The following ACYP2 variants were observed in gnomAD, a reference collection of about 807,000 sequenced individuals.
ACYP2 encodes acylphosphatase 2.
A neutral mutation model predicts 11.2 loss-of-function variants in ACYP2; 12 were observed. The observed-to-expected ratio is 1.08, with a 90% CI of 0.69 to 1.74. The LOEUF (loss-of-function observed/expected upper bound fraction) is 1.74. Ranked by LOEUF, ACYP2 falls within the 40% of genes most tolerant of loss-of-function variation. The probability of loss-of-function intolerance (pLI) is 0.00; values close to 1 mark genes in which losing one functional copy is unlikely to be tolerated. For missense variants in ACYP2, 134 were observed against 101.9 expected (o/e 1.31, Z -1.35); for synonymous variants, 43 against 32.2 (o/e 1.33, Z -1.13).
At chr2:54,075,219 CCAGGAACAGTGGCTCATGA>C (rs1677264356) in intron 4 of ACYP2, among the ~76,000 whole-genome samples, 1 of 152,122 alleles carries the variant, frequency 6.6e-6, no homozygotes, top group South Asian at 2.1e-4. Flanking sequence ...TCCTAATAGG[CCAGGAACAGTGGCTCATGA>C]CTGAAATCCC....
At position 54,239,306 on chromosome 2, in the gene ACYP2, T is replaced by C. The variant is rs1297408953; in HGVS notation, c.405-65382T>C. On this transcript the variant is annotated intron_variant, in intron 6 of 6. Transcript: ENST00000607452. ...CTGCCTGAAAGGAAAGAGGCCATAC[T>C]GTGATATTTCACTGCTTATAAAGAG... is the stretch of plus-strand genomic sequence containing the variant. 2.0e-5 allele frequency among the ~76,000 whole-genome samples: 3 copies of C among 152,204 alleles called. No individual in the cohort carries two copies. The East Asian group carries it at 5.8e-4, about 29-fold the overall frequency.
intron 2 of ACYP2, among the ~76,000 whole-genome samples, chr2:54,050,295 C>G (rs905911342): frequency 6.6e-6 from 1 of 151,926 alleles, no homozygotes; most frequent in African/African-American, 2.4e-5. Context: ...TGCCTGTAAT[C>G]TCAGCTACTT....
intron 6 of ACYP2, among the ~76,000 whole-genome samples, chr2:54,211,944 G>A (rs766503134): frequency 1.3e-5 from 2 of 151,800 alleles, no homozygotes; most frequent in African/African-American, 2.4e-5. Context: ...CTTATTTCTA[G>A]CTAATTTATT....
chr2:54,219,251 G>C (rs371448752), intron 6 of ACYP2, among the ~76,000 whole-genome samples: 9 of 152,252 alleles, frequency 5.9e-5, no homozygotes, highest in Middle Eastern at 6.8e-3. Context: ...TTAAGAGATA[G>C]GTCAAATATT....
chr2:54,089,395 G>GATAT lies in ACYP2; in HGVS notation c.277+32050_277+32053dup, dbSNP rs58165820. ...GAGATTGCTTGAGGCCAGAAGTTCA[G>GATAT]ATATATATATATATATATCTCCTGG... On this transcript the variant is annotated intron_variant, in intron 4 of 6. Coordinates refer to ENST00000607452, the MANE Select transcript of ACYP2 (RefSeq NM_001320586.2). 3.2e-3 allele frequency among the ~76,000 whole-genome samples: 478 copies of GATAT among 148,394 alleles called. 4 individuals are homozygous for GATAT. The highest frequency in any genetic ancestry group is 9.7e-3 in the African/African-American group (391 of 40,490).
chr2:54,146,864 G>A lies in ACYP2; in HGVS notation c.404+8116G>A, dbSNP rs189142839. Among the ~76,000 whole-genome samples, 368 of 149,972 alleles carry A rather than the reference G, an allele frequency of 2.5e-3. 4 individuals carry two copies. Among genetic ancestry groups the A allele is most frequent in the Admixed American group, 0.022 (332 of 15,002 alleles). ...GGCTAGAGTGCAGTGGCATGATCTC[G>A]CCTCACTGCAACCTCCACCTCCCAG... On this transcript the variant is annotated intron_variant, in intron 6 of 6. Coordinates refer to ENST00000607452, the MANE Select transcript of ACYP2 (RefSeq NM_001320586.2).
intron 6 of ACYP2, among the ~76,000 whole-genome samples, chr2:54,292,850 G>A (rs997845433): frequency 6.6e-6 from 1 of 152,080 alleles, no homozygotes; most frequent in African/African-American, 2.4e-5. Context: ...TTATACTTTA[G>A]CAGTCAATTC....
At chr2:54,131,774 C>T (rs1334583018) in intron 4 of ACYP2, among the ~76,000 whole-genome samples, 1 of 152,076 alleles carries the variant, frequency 6.6e-6, no homozygotes, top group Non-Finnish European at 1.5e-5. Flanking sequence ...CAAATCTCTC[C>T]CAGACCTTTC....
intron 6 of ACYP2, among the ~76,000 whole-genome samples, chr2:54,280,726 T>C (rs1688811937): frequency 6.6e-6 from 1 of 152,234 alleles, no homozygotes; most frequent in Non-Finnish European, 1.5e-5. Flanking sequence ...AGAGCCGTTT[T>C]AGTGGAGGAG....
intron 6 of ACYP2, among the ~76,000 whole-genome samples, chr2:54,203,909 G>A (rs944741940): frequency 1.3e-5 from 2 of 151,664 alleles, no homozygotes; most frequent in Non-Finnish European, 2.9e-5. Context: ...TCCAACCCAC[G>A]GCCCAGGATA....
intron 4 of ACYP2, among the ~76,000 whole-genome samples, chr2:54,063,909 A>C (rs980133557): frequency 1.3e-5 from 2 of 152,142 alleles, no homozygotes; most frequent in African/African-American, 4.8e-5. Context: ...TATTTGAAGG[A>C]AGGACAGTGT....
intron 2 of ACYP2, among the ~76,000 whole-genome samples, chr2:53,981,039 ACC>A (rs1671731438): frequency 1.3e-5 from 2 of 152,182 alleles, no homozygotes; most frequent in African/African-American, 4.8e-5. Flanking sequence ...GGTGTGAGCC[ACC>A]ACACCGGAAC....
intron 6 of ACYP2, among the ~76,000 whole-genome samples, chr2:54,262,691 T>C (rs1687832857): frequency 7.1e-6 from 1 of 139,920 alleles, no homozygotes; most frequent in East Asian, 2.1e-4. Context: ...TGAGTTGTCA[T>C]TTTAGGATAA....
Position 54,112,343 on chromosome 2 carries a change from C to T in ACYP2, c.278-23110C>T, listed in dbSNP as rs1470824344. On this transcript the variant is annotated intron_variant, in intron 4 of 6. Transcript: ENST00000607452. ...TCATATAATTTAATCATGCATTGTA[C>T]GTGAAGGACCTGCATACATTTGTTT... Among the ~76,000 whole-genome samples the T allele has an allele frequency of 3.9e-5, 6 of 152,240 alleles. No individual in the cohort carries two copies. In the East Asian group the frequency reaches 5.8e-4, roughly 15 times the overall value.
chr2:54,093,067 C>A (rs528325066), intron 4 of ACYP2, among the ~76,000 whole-genome samples: 1 of 152,278 alleles, frequency 6.6e-6, no homozygotes, highest in South Asian at 2.1e-4. Flanking sequence ...GTAAACTCCT[C>A]CTGCAGCTCA....
At chr2:54,256,126 C>T (rs763436690) in intron 6 of ACYP2, 1 of 1,613,672 alleles carries the variant, frequency 6.2e-7, no homozygotes, top group African/African-American at 1.3e-5. Flanking sequence ...AGTAGCGGGG[C>T]TGTGAGGACT....
At chr2:54,065,643 T>C (rs1482515701) in intron 4 of ACYP2, 2 of 396,908 alleles carry the variant, frequency 5.0e-6, no homozygotes, top group Non-Finnish European at 8.9e-6. Context: ...GAAGCCAGAA[T>C]TGGGTTGCCA....
intron 6 of ACYP2, among the ~76,000 whole-genome samples, chr2:54,194,094 A>C (rs1275806565): frequency 6.6e-6 from 1 of 152,106 alleles, no homozygotes; most frequent in Non-Finnish European, 1.5e-5. Context: ...GCTGGAGTGC[A>C]ATGGCACGAT....
At chr2:54,055,578 C>A (rs1676098898) in intron 3 of ACYP2, among the ~76,000 whole-genome samples, 1 of 152,116 alleles carries the variant, frequency 6.6e-6, no homozygotes, top group Non-Finnish European at 1.5e-5. Flanking sequence ...AAAATAGAGG[C>A]TCAGAGAAGT....
Sources: allele counts gnomAD v4.1 joint callset (sites outside exome capture counted in the v4.1 genomes callset), GRCh38; gene constraint gnomAD v4.1.1; transcripts MANE v1.5; gene names NCBI Gene and HGNC (gene_info 2026-07-23, HGNC 2026-07-21).